Variants in ADGRA3 observed in about 807,000 individuals in gnomAD.
ADGRA3 encodes G-protein coupled receptor 125.
ADGRA3 carries 56 observed loss-of-function variants against 119.8 expected under a neutral mutation model. The ratio of observed to expected loss-of-function variants is 0.47; its 90% confidence interval spans 0.38 to 0.58. ADGRA3 has a LOEUF of 0.58. Among genes scored for constraint, ADGRA3 ranks in the 20% least tolerant of loss-of-function variants. The pLI is 0.00. For missense variants in ADGRA3, 1,516 were observed against 1,649.0 expected (o/e 0.92, Z 1.40); for synonymous variants, 607 against 623.8 (o/e 0.97, Z 0.40).
intron 1 of ADGRA3, among the ~76,000 whole-genome samples, chr4:22,495,147 C>A (rs1303449357): frequency 6.6e-6 from 1 of 151,978 alleles, no homozygotes; most frequent in Non-Finnish European, 1.5e-5. Context: ...AATAACCAAG[C>A]CAGCTACTAA....
chr4:22,391,372 C>A (rs1374925018), intron 17 of ADGRA3, among the ~76,000 whole-genome samples: 1 of 152,078 alleles, frequency 6.6e-6, no homozygotes, highest in African/African-American at 2.4e-5. Context: ...TGGAAACACC[C>A]TCCGTCAAGG....
chr4:22,511,141 A>AC (rs1397289821), intron 1 of ADGRA3, among the ~76,000 whole-genome samples: 2 of 152,254 alleles, frequency 1.3e-5, no homozygotes, highest in East Asian at 3.8e-4. Flanking sequence ...GTCTAGAGTC[A>AC]CCAAGTAGCA....
rs1714177282 is a variant in ADGRA3 at position 22,392,569 on chromosome 4, G to A, written c.2603C>T (p.Pro868Leu). 10 of 1,613,858 alleles carry A rather than the reference G, an allele frequency of 6.2e-6. No individual in the cohort carries two copies. Among genetic ancestry groups the A allele is most frequent in the African/African-American group, 1.3e-5 (1 of 74,980 alleles). ...CCTGAGCATTGGTCTTGGTGGAGGT[G>A]GTGGTTCATCAGGATCCTGGCATCT... ...AKRCQDPDEP[P>L]PPPRPMLRFY... is the part of the protein sequence containing the mutation. Residue 868 changes from proline to leucine, a missense_variant, in exon 17 of 19, where the codon CCA becomes CTA. Physicochemically the swap from Pro to Leu is moderately conservative, Grantham distance 98. Transcript: ENST00000334304.
chr4:22,440,428 A>G, intron 7 of ADGRA3, among the ~76,000 whole-genome samples: 1 of 152,118 alleles, frequency 6.6e-6, no homozygotes, highest in Non-Finnish European at 1.5e-5. Flanking sequence ...ATCAATAGGA[A>G]TCTCAGATTA....
At chr4:22,509,409 A>T (rs1320044911) in intron 1 of ADGRA3, among the ~76,000 whole-genome samples, 3 of 151,724 alleles carry the variant, frequency 2.0e-5, no homozygotes, top group Admixed American at 6.6e-5. Flanking sequence ...GCGCTGAGGC[A>T]GGAGAATCGC....
At position 22,503,797 on chromosome 4, in the gene ADGRA3, G is replaced by A. The variant is rs553573973; in HGVS notation, c.257+11731C>T. Among the ~76,000 whole-genome samples the A allele has an allele frequency of 1.2e-4, 18 of 152,318 alleles. No homozygotes were observed. In the South Asian group the frequency reaches 3.7e-3, roughly 32 times the overall value. Reference sequence around the variant, plus strand: ...TCACATACTGTGTATGATGTTTACAGTACTTGGGGAGAGGGCAGAGAATGG... The same window carrying A: ...TCACATACTGTGTATGATGTTTACAATACTTGGGGAGAGGGCAGAGAATGG... On this transcript the variant is annotated intron_variant, in intron 1 of 18. Transcript: ENST00000334304.
chr4:22,433,965 G>C (rs1245860956), intron 10 of ADGRA3, among the ~76,000 whole-genome samples: 1 of 151,982 alleles, frequency 6.6e-6, no homozygotes, highest in African/African-American at 2.4e-5. Flanking sequence ...ATGTTATCCC[G>C]CTGACAAGTG....
intron 12 of ADGRA3, 184 bp downstream of exon 12, chr4:22,420,701 AG>A: frequency 6.7e-6 from 4 of 593,826 alleles, no homozygotes; most frequent in Non-Finnish European, 1.2e-5. Flanking sequence ...AAAAATGCCT[AG>A]GGCCCTTGAA....
chr4:22,487,055 TG>T (rs898048528), intron 1 of ADGRA3, among the ~76,000 whole-genome samples: 4 of 152,288 alleles, frequency 2.6e-5, no homozygotes, highest in Admixed American at 2.6e-4. Context: ...TGGGCTATTG[TG>T]CTCTCTCCTG....
intron 10 of ADGRA3, among the ~76,000 whole-genome samples, chr4:22,434,965 C>A (rs1401188778): frequency 6.6e-6 from 1 of 152,160 alleles, no homozygotes; most frequent in Admixed American, 6.5e-5. Context: ...AAAAGATGAG[C>A]ACGAGGATAT....
chr4:22,393,691 C>T (rs892884619), intron 16 of ADGRA3: 4 of 152,010 alleles, frequency 2.6e-5, no homozygotes, highest in Admixed American at 1.3e-4. Context: ...TAGCAAATCG[C>T]CTAGTGTGTG....
rs562442696 is a variant in ADGRA3 at position 22,417,414 on chromosome 4, T to G, written c.1809+3472A>C. Among the ~76,000 whole-genome samples the G allele has an allele frequency of 1.1e-3, 162 of 147,768 alleles. 1 individual carries two copies. Among genetic ancestry groups the G allele is most frequent in the African/African-American group, 3.9e-3 (151 of 38,230 alleles). On this transcript the variant is annotated intron_variant, in intron 12 of 18. Transcript: ENST00000334304. ...CAAAACAGTAAGAGCTAATACTTACTGAGTGCTTACTCTGTGCCAGGCACT... is the reference window on the plus strand; with the variant it reads ...CAAAACAGTAAGAGCTAATACTTACGGAGTGCTTACTCTGTGCCAGGCACT...
intron 7 of ADGRA3, among the ~76,000 whole-genome samples, chr4:22,440,718 A>C (rs1472436451): frequency 6.6e-6 from 1 of 152,232 alleles, no homozygotes; most frequent in African/African-American, 2.4e-5. Flanking sequence ...TCTTCTACAT[A>C]GAAAATGGTT....
At chr4:22,477,459 A>T (rs1246788707) in intron 1 of ADGRA3, among the ~76,000 whole-genome samples, 1 of 152,184 alleles carries the variant, frequency 6.6e-6, no homozygotes, top group Non-Finnish European at 1.5e-5. Context: ...AAGCTGTCAA[A>T]CTTTGCAGTC....
intron 1 of ADGRA3, among the ~76,000 whole-genome samples, chr4:22,502,511 G>C (rs775623652): frequency 7.9e-5 from 12 of 152,178 alleles, no homozygotes; most frequent in Admixed American, 7.9e-4. Flanking sequence ...ATGGATTCAA[G>C]CTAGTTTTCA....
intron 1 of ADGRA3, among the ~76,000 whole-genome samples, chr4:22,493,815 C>T (rs1435152977): frequency 1.3e-5 from 2 of 151,996 alleles, no homozygotes; most frequent in African/African-American, 4.8e-5. Flanking sequence ...TAAAAAAGGT[C>T]GGCATAAGAT....
intron 12 of ADGRA3, 63 bp from the exon 13 acceptor site, chr4:22,413,877 T>G: frequency 9.3e-7 from 1 of 1,072,480 alleles, no homozygotes. Context: ...CAGAAAAAAA[T>G]ATGTCAGATA....
At chr4:22,492,546 G>A (rs1214695742) in intron 1 of ADGRA3, among the ~76,000 whole-genome samples, 1 of 152,066 alleles carries the variant, frequency 6.6e-6, no homozygotes, top group Non-Finnish European at 1.5e-5. Flanking sequence ...TGTACTAGTG[G>A]GTGGAAGAAA....
intron 1 of ADGRA3, among the ~76,000 whole-genome samples, chr4:22,505,353 C>G (rs935038928): frequency 6.6e-6 from 1 of 152,262 alleles, no homozygotes; most frequent in African/African-American, 2.4e-5. Context: ...TCCCGTTGCC[C>G]ATTTAGAATT....
Sources: gnomAD v4.1 joint callset for allele counts (sites outside exome capture counted in the v4.1 genomes callset) on GRCh38, gnomAD v4.1.1 for gene constraint, MANE v1.5 for transcripts, NCBI Gene and HGNC (gene_info 2026-07-23, HGNC 2026-07-21) for gene names.